Variants in CFAP54 observed in about 807,000 individuals in gnomAD.
CFAP54 encodes cilia and flagella associated protein 54.
Under a neutral mutation model 370.4 loss-of-function variants are expected in CFAP54, and 290 were observed. The ratio of observed to expected loss-of-function variants is 0.78; its 90% CI spans 0.71 to 0.86. The LOEUF is 0.86. Ranked by LOEUF, CFAP54 falls within the 40% of genes least tolerant of loss-of-function variation. The probability of loss-of-function intolerance (pLI) is 0.00; values close to 1 mark genes in which losing one functional copy is unlikely to be tolerated. For missense variants in CFAP54, 3,399 were observed against 3,528.7 expected (o/e 0.96, Z 0.93); for synonymous variants, 1,206 against 1,236.5 (o/e 0.98, Z 0.52).
At position 96,506,333 on chromosome 12, in the gene CFAP54, G is replaced by A. The variant is rs1332350611; in HGVS notation, c.568-595G>A. On this transcript the variant is annotated intron_variant, in intron 3 of 67. Coordinates refer to ENST00000524981, the MANE Select transcript of CFAP54 (RefSeq NM_001306084.2). The stretch of plus-strand genomic sequence containing the variant: ...AACCTGGGAGACAGAGCAAGACTCC[G>A]TCTCAAAAAAAAAAAAAAAAAATTG... 7.3e-5 allele frequency among the ~76,000 whole-genome samples: 9 copies of A among 123,274 alleles called. No individual in the cohort carries two copies. The East Asian group carries it at 2.2e-3, about 30-fold the overall frequency. The allele number at this position is 123,274 out of a possible 152,430, so 80.9% of individuals were successfully genotyped here.
chr12:96,720,095 C>T (rs550008841), intron 49 of CFAP54, among the ~76,000 whole-genome samples: 2 of 152,240 alleles, frequency 1.3e-5, no homozygotes, highest in Non-Finnish European at 2.9e-5. Flanking sequence ...GGAGCAATGG[C>T]TCAGTATCCA....
At chr12:96,601,638 G>A (rs913841812) in intron 26 of CFAP54, among the ~76,000 whole-genome samples, 2 of 152,154 alleles carry the variant, frequency 1.3e-5, no homozygotes, top group African/African-American at 2.4e-5. Flanking sequence ...TTCAGAACCT[G>A]TTATTGATGT....
intron 65 of CFAP54, among the ~76,000 whole-genome samples, chr12:96,826,130 C>A (rs1334986254): frequency 6.9e-6 from 1 of 145,680 alleles, no homozygotes; most frequent in Non-Finnish European, 1.5e-5. Flanking sequence ...CTAAGCAATA[C>A]TGGTTAAAAC....
intron 26 of CFAP54, among the ~76,000 whole-genome samples, chr12:96,612,768 CAAAG>C (rs1252903267): frequency 6.6e-6 from 1 of 152,052 alleles, no homozygotes. Flanking sequence ...TCAAAAGAGA[CAAAG>C]AAGACCATTA....
At chr12:96,635,910 T>A (rs1175208911) in intron 32 of CFAP54, among the ~76,000 whole-genome samples, 1 of 152,134 alleles carries the variant, frequency 6.6e-6, no homozygotes, top group African/African-American at 2.4e-5. Flanking sequence ...CCTCCTAGCT[T>A]GTGGTTGTAC....
intron 25 of CFAP54, among the ~76,000 whole-genome samples, chr12:96,596,637 C>T (rs777629590): frequency 2.0e-5 from 3 of 151,962 alleles, no homozygotes; most frequent in Non-Finnish European, 2.9e-5. Context: ...CAGGAGATGA[C>T]GTGTGCAGTC....
At chr12:96,840,183 A>C (rs1479074829) in intron 66 of CFAP54, among the ~76,000 whole-genome samples, 2 of 152,218 alleles carry the variant, frequency 1.3e-5, no homozygotes, top group Non-Finnish European at 2.9e-5. Context: ...CTCTGAGCAG[A>C]GGCTGTTCTT....
intron 32 of CFAP54, among the ~76,000 whole-genome samples, chr12:96,641,748 A>G (rs1956730434): frequency 6.6e-6 from 1 of 152,236 alleles, no homozygotes; most frequent in Non-Finnish European, 1.5e-5. Flanking sequence ...CTATGCAGCT[A>G]TAAAAAATGA....
intron 17 of CFAP54, among the ~76,000 whole-genome samples, chr12:96,561,642 G>A (rs550690249): frequency 4.0e-5 from 6 of 150,544 alleles, no homozygotes; most frequent in African/African-American, 1.2e-4. Flanking sequence ...AGATCTGTAA[G>A]CTAAGAGTGC....
At chr12:96,580,759 A>G (rs1296696728) in intron 21 of CFAP54, 70 bp downstream of exon 21, 6 of 1,180,010 alleles carry the variant, frequency 5.1e-6, no homozygotes, top group South Asian at 1.7e-5. Context: ...AAATGAAGTC[A>G]TTGTTTTGGT....
Position 96,685,219 on chromosome 12 carries a change from A to G in CFAP54, c.5995A>G (p.Ile1999Val), listed in dbSNP as rs759367271. ...GIWGCLQGAV[I>V]SAKIAQFIKS... ...CTGGGGGTGTTTGCAAGGAGCAGTC[A>G]TATCAGCAAAGATAGCACAGTGAGT... Residue 1999 changes from isoleucine (I) to valine (V), a missense_variant, in exon 42 of 68, where the codon ATA becomes GTA. This residue lies in a region of CFAP54 where 2,796 missense variants were observed against 2,869.7 expected (regional missense o/e 0.97). Transcript: ENST00000524981. The G allele has an allele frequency of 4.3e-6, 7 of 1,614,082 alleles. No individual in the cohort carries two copies. The highest frequency in any genetic ancestry group is 2.2e-5 in the South Asian group (2 of 91,082).
chr12:96,796,742 T>C (rs1692915921), intron 63 of CFAP54, among the ~76,000 whole-genome samples: 1 of 152,230 alleles, frequency 6.6e-6, no homozygotes, highest in African/African-American at 2.4e-5. Flanking sequence ...TTAAAATTCC[T>C]CTCATATTTT....
At chr12:96,564,065 C>G (rs1955840586) in intron 17 of CFAP54, among the ~76,000 whole-genome samples, 1 of 152,140 alleles carries the variant, frequency 6.6e-6, no homozygotes, top group African/African-American at 2.4e-5. Context: ...TTAAAGGGAC[C>G]TTGGATGAAA....
At chr12:96,770,293 C>T (rs1470267842) in intron 60 of CFAP54, among the ~76,000 whole-genome samples, 1 of 151,956 alleles carries the variant, frequency 6.6e-6, no homozygotes, top group African/African-American at 2.4e-5. Context: ...GTGAAGCAGA[C>T]TTGTCTTGGT....
At chr12:96,772,785 A>G (rs1958476592) in intron 60 of CFAP54, among the ~76,000 whole-genome samples, 1 of 151,904 alleles carries the variant, frequency 6.6e-6, no homozygotes, top group African/African-American at 2.4e-5. Flanking sequence ...ATGCCCGGCT[A>G]ATTTTTGTAT....
chr12:96,740,619 T>C (rs1958039719), intron 51 of CFAP54, among the ~76,000 whole-genome samples: 1 of 152,246 alleles, frequency 6.6e-6, no homozygotes, highest in Non-Finnish European at 1.5e-5. Flanking sequence ...CCTTGCTCAT[T>C]ATTTCAAGTA....
intron 66 of CFAP54, among the ~76,000 whole-genome samples, chr12:96,840,616 CTGTTTCTT>C (rs760315895): frequency 1.1e-4 from 10 of 93,354 alleles, no homozygotes; most frequent in East Asian, 3.9e-4. Flanking sequence ...TTTCTTTTCT[CTGTTTCTT>C]TCTTTTTTTT....
chr12:96,576,830 ATACTT>A, intron 20 of CFAP54, 69 bp downstream of exon 20: 1 of 1,280,352 alleles, frequency 7.8e-7, no homozygotes, highest in Admixed American at 2.5e-5. Context: ...ACCATGATTC[ATACTT>A]TGATTGCTTT....
chr12:96,647,459 C>A (rs1275202577), intron 33 of CFAP54, among the ~76,000 whole-genome samples: 1 of 66,486 alleles, frequency 1.5e-5, no homozygotes, highest in East Asian at 3.3e-4. Context: ...GGCGACAGAG[C>A]GAGACTCTGT....
Sources: allele counts gnomAD v4.1 joint callset (sites outside exome capture counted in the v4.1 genomes callset), GRCh38; gene constraint gnomAD v4.1.1; regional missense constraint gnomAD v4.1.1; transcripts MANE v1.5; gene names NCBI Gene and HGNC (gene_info 2026-07-23, HGNC 2026-07-21).